Variants in TTN observed in about 807,000 individuals in gnomAD.
TTN encodes the protein titin, also known as connectin.
Under a neutral mutation model 3,223.0 loss-of-function variants are expected in TTN, and 1,525 were observed. The observed-to-expected ratio is 0.47, with a 90% CI of 0.45 to 0.49. The LOEUF is 0.49. TTN is among the 20% of genes least tolerant of loss of function. TTN has a pLI of 0.00. For missense variants in TTN, 40,786 were observed against 43,424.0 expected (o/e 0.94, Z 5.40); for synonymous variants, 14,094 against 15,161.0 (o/e 0.93, Z 5.17).
intron 122 of TTN, 92 bp from the exon 123 acceptor site, chr2:178,689,687 CTTTTG>C: frequency 6.9e-7 from 1 of 1,440,406 alleles, no homozygotes; most frequent in East Asian, 2.3e-5. Flanking sequence ...TGGACAGACA[CTTTTG>C]TTCAGTTCTC....
In TTN at chr2:178,591,067, C is replaced by G. The variant is rs1342105365; in HGVS notation, c.60658G>C (p.Gly20220Arg). Residue 20220 changes from glycine to arginine, a missense_variant, in exon 304 of 363, where the codon GGT becomes CGT. By Grantham distance (125) the Gly-to-Arg change is moderately radical. Coordinates refer to ENST00000589042, the MANE Select transcript of TTN (RefSeq NM_001267550.2). Reference sequence around the variant, plus strand: ...TTACTGCTTCCGGAAGAGACAACACCCCACGTGTCTTTCCTTGTATCTTGT... The same window carrying G: ...TTACTGCTTCCGGAAGAGACAACACGCCACGTGTCTTTCCTTGTATCTTGT... ...EKQDTRKDTW[G>R]VVSSGSSKTK... is the part of the protein sequence containing the mutation. The G allele has an allele frequency of 6.2e-7, 1 of 1,613,314 alleles. No individual in the cohort carries two copies. The highest frequency in any genetic ancestry group is 1.7e-5 in the Admixed American group (1 of 59,962).
chr2:178,616,875 G>C lies in TTN; in HGVS notation c.48014C>G (p.Thr16005Arg), dbSNP rs557711303. 1.2e-5 allele frequency: 19 copies of C among 1,612,682 alleles called. No homozygotes were observed. In the East Asian group the frequency reaches 4.0e-4, roughly 34 times the overall value. ...TWCFGDKVLETGDRVKMKTLS... is the reference protein window; with the variant it reads ...TWCFGDKVLERGDRVKMKTLS... ...GGTCTTCATTTTCACCCGGTCCCCTGTTTCTAGTACTTTATCTCCAAAACA... is the reference window on the plus strand; with the variant it reads ...GGTCTTCATTTTCACCCGGTCCCCTCTTTCTAGTACTTTATCTCCAAAACA... The change falls in exon 256 of 363, where the codon ACA (threonine) becomes AGA (arginine). Residue 16005 changes from threonine to arginine, a missense_variant. Transcript: ENST00000589042.
At position 178,617,244 on chromosome 2, in the gene TTN, T is replaced by A; in HGVS notation, c.47761-10A>T. 1 of 1,536,098 alleles carries A rather than the reference T, an allele frequency of 6.5e-7. No individual in the cohort carries two copies. The highest frequency in any genetic ancestry group is 1.3e-5 in the South Asian group (1 of 79,506). ...TTTCCAATCCGGTAACCTACGATTA[T>A]GAATTAATATTTGTAAAAAACACAT... On this transcript the variant is annotated splice_polypyrimidine_tract_variant and intron_variant, in intron 254 of 362. Coordinates refer to ENST00000589042, the MANE Select transcript of TTN (RefSeq NM_001267550.2).
Position 178,632,212 on chromosome 2 carries a change from T to G in TTN, c.43682A>C (p.Asp14561Ala). 1 of 1,608,266 alleles carries G rather than the reference T, an allele frequency of 6.2e-7. No individual in the cohort carries two copies. The highest frequency in any genetic ancestry group is 1.1e-5 in the South Asian group (1 of 90,006). Residue 14561 changes from aspartate to alanine, a missense_variant, in exon 236 of 363, where the codon GAT (aspartate) becomes GCT (alanine). Transcript: ENST00000589042. ...TTCTACTCTAATTTGGGAGGTGTCA[T>G]CAATAGACAGGTCTTTGAATGTGAT... is the stretch of plus-strand genomic sequence containing the variant. ...HSITFKDLSI[D>A]DTSQIRVEAM... is the part of the protein sequence containing the mutation.
intron 46 of TTN, 82 bp from the exon 47 acceptor site, chr2:178,753,262 A>G (rs2086063938): frequency 8.6e-7 from 1 of 1,162,398 alleles, no homozygotes; most frequent in African/African-American, 1.5e-5. Context: ...GTATGATTAA[A>G]GTTTTCTTTT....
Position 178,695,359 on chromosome 2 carries a change from G to C in TTN, c.31259C>G (p.Pro10420Arg). The C allele has an allele frequency of 2.5e-6, 4 of 1,611,744 alleles. No homozygotes were observed. Among genetic ancestry groups the C allele is most frequent in the Non-Finnish European group, 3.4e-6 (4 of 1,178,250 alleles). The change falls in exon 115 of 363, where the codon CCA becomes CGA. Residue 10420 changes from proline (P) to arginine (R), a missense_variant. By Grantham distance (103) the Pro-to-Arg change is moderately radical. Coordinates refer to ENST00000589042, the MANE Select transcript of TTN (RefSeq NM_001267550.2). ...PAKVPEKKAPPPPKVIKKPVI... is the reference protein window; with the variant it reads ...PAKVPEKKAPRPPKVIKKPVI... The stretch of plus-strand genomic sequence containing the variant: ...TTCTAATTACTTACCTTTAGGAGGT[G>C]GTGGTGCTTTCTTTTCAGGTACTTT...
At chr2:178,714,812 T>G (rs908619996) in intron 90 of TTN, among the ~76,000 whole-genome samples, 174 bp downstream of exon 90, 3 of 152,064 alleles carry the variant, frequency 2.0e-5, no homozygotes, top group Non-Finnish European at 4.4e-5. Context: ...TCTAAAAGGA[T>G]ATTCAGTAGG....
intron 92 of TTN, 69 bp downstream of exon 92, chr2:178,713,828 T>C (rs946952913): frequency 5.8e-6 from 9 of 1,552,538 alleles, no homozygotes; most frequent in African/African-American, 2.7e-5. Flanking sequence ...TAACAACCCA[T>C]ATACATTTAT....
rs1263949163 is a variant in TTN at position 178,741,283 on chromosome 2, A to G, written c.11950T>C (p.Tyr3984His). 2 of 1,613,804 alleles carry G rather than the reference A, an allele frequency of 1.2e-6. No individual in the cohort carries two copies. The highest frequency in any genetic ancestry group is 2.2e-5 in the East Asian group (1 of 44,886). The change falls in exon 48 of 363, where the codon TAC becomes CAC. Residue 3984 changes from tyrosine to histidine, a missense_variant. Tyr to His is a moderately conservative substitution (Grantham distance 83). Transcript: ENST00000589042. Reference sequence around the variant, plus strand: ...CCATTAGGGTTATGAATGATAGTGTAATAAACACTGGTGCAAAGCTGCTTG... The same window carrying G: ...CCATTAGGGTTATGAATGATAGTGTGATAAACACTGGTGCAAAGCTGCTTG... ...ENKQLCTSVY[Y>H]TIIHNPNGSG...
chr2:178,632,356 C>T lies in TTN; in HGVS notation c.43538G>A (p.Ser14513Asn), dbSNP rs557216748. ...LKDVTAKEKE[S>N]AVFTVELSHD... ...AGATAACTCCACAGTAAATACAGCA[C>T]TTTCCTTCTCTTTGGCAGTTACATC... The change falls in exon 236 of 363, where the codon AGT becomes AAT. Residue 14513 changes from serine to asparagine, a missense_variant. Transcript: ENST00000589042. 3.1e-5 allele frequency: 49 copies of T among 1,604,140 alleles called. No homozygotes were observed. In the South Asian group the frequency reaches 5.3e-4, roughly 17 times the overall value.
chr2:178,790,302 A>G (rs958652774), intron 11 of TTN, among the ~76,000 whole-genome samples, 187 bp from the exon 12 acceptor site: 9 of 151,446 alleles, frequency 5.9e-5, no homozygotes, highest in Non-Finnish European at 1.3e-4. Context: ...TATCAAAACA[A>G]TAAGTCCAGT....
chr2:178,746,275 T>C, intron 47 of TTN: 1 of 1,612,086 alleles, frequency 6.2e-7, no homozygotes, highest in Non-Finnish European at 8.5e-7. Context: ...GCATTTCAAA[T>C]ACTTCTAAAT....
intron 354 of TTN, chr2:178,538,205 C>T (rs567733827): frequency 2.4e-4 from 113 of 473,614 alleles, no homozygotes; most frequent in Middle Eastern, 1.1e-3. Flanking sequence ...CTCTATAATT[C>T]TGTAGTATTC....
At chr2:178,673,511 C>T (rs556949829) in intron 152 of TTN, 122 bp downstream of exon 152, 1 of 611,288 alleles carries the variant, frequency 1.6e-6, no homozygotes, top group African/African-American at 1.9e-5. Context: ...TATATTTTTA[C>T]TGGTCCTTAA....
rs749403840 is a variant in TTN at position 178,598,812 on chromosome 2, G to C, written c.56898C>G (p.Ile18966Met). Residue 18966 changes from isoleucine (I) to methionine (M), a missense_variant, in exon 291 of 363, where the codon ATC (isoleucine) becomes ATG (methionine). Physicochemically the swap from Ile to Met is conservative, Grantham distance 10. Transcript: ENST00000589042. ...GSDYQFRVYA[I>M]NAAGVGPASL... The stretch of plus-strand genomic sequence containing the variant: ...TTGCTGGACCCACGCCAGCAGCATT[G>C]ATTGCATATACCCGGAATTGATAGT... 1 of 1,613,372 alleles carries C rather than the reference G, an allele frequency of 6.2e-7. No individual in the cohort carries two copies. Among genetic ancestry groups the C allele is most frequent in the South Asian group, 1.1e-5 (1 of 91,050 alleles).
In TTN at chr2:178,665,475, G is replaced by A. The variant is rs1313746316; in HGVS notation, c.35960-15C>T. On this transcript the variant is annotated splice_polypyrimidine_tract_variant and intron_variant, in intron 164 of 362. Coordinates refer to ENST00000589042, the MANE Select transcript of TTN (RefSeq NM_001267550.2). ...AGCTTCTGGTGCTTTGAAGATATTA[G>A]TATTATGGTTAGAGGTTAAAAGGAT... is the stretch of plus-strand genomic sequence containing the variant. 6.2e-7 allele frequency: 1 copy of A among 1,610,820 alleles called. No homozygotes were observed. Among genetic ancestry groups the A allele is most frequent in the Admixed American group, 1.7e-5 (1 of 59,952 alleles).
In TTN at chr2:178,735,003, CA is replaced by C. The variant is rs1560845266; in HGVS notation, c.14936-16del. 6.7e-7 allele frequency: 1 copy of C among 1,495,752 alleles called. No individual in the cohort carries two copies. The highest frequency in any genetic ancestry group is 1.3e-5 in the South Asian group (1 of 74,562). The allele number at this position is 1,495,752 out of a possible 1,614,324, so 92.7% of individuals were successfully genotyped here. A position where few individuals can be genotyped will look rare whatever the true frequency, so the allele number is the denominator to read the frequency against. On this transcript the variant is annotated splice_polypyrimidine_tract_variant and intron_variant, in intron 50 of 362. Coordinates refer to ENST00000589042, the MANE Select transcript of TTN (RefSeq NM_001267550.2). ...GGATGGTGGCTCTACATGAAGTTTA[CA>C]AAAAAGAAAAAGGAGAAGATATCTG... is the stretch of plus-strand genomic sequence containing the variant.
At chr2:178,769,019 A>C in intron 37 of TTN, 86 bp from the exon 38 acceptor site, 1 of 1,489,676 alleles carries the variant, frequency 6.7e-7, no homozygotes, top group Non-Finnish European at 9.2e-7. Flanking sequence ...AAAATTTGGA[A>C]TGTTTTTAGT....
In TTN at chr2:178,588,008, G is replaced by T; in HGVS notation, c.63399C>A (p.Thr21133=). The change falls in exon 305 of 363, where the codon ACC becomes ACA. Residue 21133 remains threonine (T), a synonymous_variant. Coordinates refer to ENST00000589042, the MANE Select transcript of TTN (RefSeq NM_001267550.2). ...CATATTCCTGGTTTTCATCCAAGCT[G>T]GTAACAGTGAATTCCTTGCGTACAA... is the stretch of plus-strand genomic sequence containing the variant. The part of the protein sequence containing the change: ...AQLVRKEFTV[T]SLDENQEYEF... The T allele has an allele frequency of 6.2e-7, 1 of 1,612,808 alleles. No homozygotes were observed. The highest frequency in any genetic ancestry group is 8.5e-7 in the Non-Finnish European group (1 of 1,179,354).
Sources: gnomAD v4.1 joint callset for allele counts (sites outside exome capture counted in the v4.1 genomes callset) on GRCh38, gnomAD v4.1.1 for gene constraint, MANE v1.5 for transcripts, NCBI Gene and HGNC (gene_info 2026-07-23, HGNC 2026-07-21) for gene names.